Variants in KCNK13 observed in about 807,000 individuals in gnomAD.
KCNK13 encodes the protein potassium two pore domain channel subfamily K member 13.
Under a neutral mutation model 23.4 loss-of-function variants are expected in KCNK13, and 12 were observed. The observed-to-expected ratio is 0.51, with a 90% CI of 0.33 to 0.83. The LOEUF (loss-of-function observed/expected upper bound fraction) is 0.83, where lower values mean the gene tolerates loss of function less well. Ranked by LOEUF, KCNK13 falls within the 40% of genes least tolerant of loss-of-function variation. The pLI, the probability that KCNK13 is intolerant of heterozygous loss-of-function variation, is 0.02. For synonymous variants in KCNK13, 231 were observed against 229.5 expected (o/e 1.01, Z -0.06); for missense variants, 463 against 556.3 (o/e 0.83, Z 1.69).
chr14:90,164,442 CTT>C (rs1182157028), intron 1 of KCNK13, among the ~76,000 whole-genome samples: 3 of 152,028 alleles, frequency 2.0e-5, no homozygotes, highest in African/African-American at 7.2e-5. Context: ...TTTAAAGACT[CTT>C]TTAAAGAAAT....
chr14:90,062,470 G>A lies in KCNK13; in HGVS notation c.265G>A (p.Asp89Asn). 1 of 1,544,854 alleles carries A rather than the reference G, an allele frequency of 6.5e-7. No homozygotes were observed. The highest frequency in any genetic ancestry group is 1.4e-5 in the African/African-American group (1 of 72,528). ...GGCCACTCGGGCCGGCATCCGCGTG[G>A]ACAACGTCCGCCCGCGCTGGGACTT... ...EEATRAGIRVDNVRPRWDFTG... is the reference protein window; with the variant it reads ...EEATRAGIRVNNVRPRWDFTG... Residue 89 changes from aspartate (D) to asparagine (N), a missense_variant, in exon 1 of 2, where the codon GAC becomes AAC. Coordinates refer to ENST00000282146, the MANE Select transcript of KCNK13 (RefSeq NM_022054.4). This position sits in a 1 kb window ranked among gnomAD's most constrained non-coding sequence, Gnocchi z 4.5.
Position 90,062,194 on chromosome 14 carries a change from G to A in KCNK13, c.-12G>A. 1.4e-6 allele frequency: 2 copies of A among 1,380,756 alleles called. No individual in the cohort carries two copies. Among genetic ancestry groups the A allele is most frequent in the Middle Eastern group, 2.6e-4 (1 of 3,778 alleles). The allele number at this position is 1,380,756 out of a possible 1,614,324, so 85.5% of individuals were successfully genotyped here. A position where few individuals can be genotyped will look rare whatever the true frequency, so the allele number is the denominator to read the frequency against. ...TGCCGTGGGCCTGGGGGCTGCCCCC[G>A]GGGGCCCGGCCATGGCTGGCCGGGG... On this transcript the variant is annotated 5_prime_UTR_variant, in exon 1 of 2. Coordinates refer to ENST00000282146, the MANE Select transcript of KCNK13 (RefSeq NM_022054.4). This position sits in a 1 kb window ranked among gnomAD's most constrained non-coding sequence, Gnocchi z 4.5.
intron 1 of KCNK13, among the ~76,000 whole-genome samples, chr14:90,138,320 G>T (rs1318442770): frequency 6.6e-6 from 1 of 152,048 alleles, no homozygotes; most frequent in Non-Finnish European, 1.5e-5. Flanking sequence ...ATCCATACAG[G>T]TCTTTCTGTC....
chr14:90,130,392 G>T (rs1596790937), intron 1 of KCNK13, among the ~76,000 whole-genome samples: 2 of 151,700 alleles, frequency 1.3e-5, no homozygotes, highest in Non-Finnish European at 2.9e-5. Context: ...TAGAGATGGG[G>T]TTTCGCCATG....
intron 1 of KCNK13, among the ~76,000 whole-genome samples, chr14:90,086,841 G>A (rs1006295642): frequency 1.3e-5 from 2 of 152,092 alleles, no homozygotes; most frequent in Non-Finnish European, 2.9e-5. Flanking sequence ...ATCTATAAAT[G>A]TAGATGGTAA....
At chr14:90,106,099 G>A (rs758343901) in intron 1 of KCNK13, among the ~76,000 whole-genome samples, 3 of 152,162 alleles carry the variant, frequency 2.0e-5, no homozygotes, top group Admixed American at 6.5e-5. Context: ...GAAAAATGAG[G>A]TGATTCAATC....
intron 1 of KCNK13, among the ~76,000 whole-genome samples, chr14:90,149,257 G>A (rs1160519632): frequency 1.3e-5 from 2 of 152,198 alleles, no homozygotes; most frequent in South Asian, 2.1e-4. Flanking sequence ...TCGGGAGGCT[G>A]AGGCAGGAGA....
chr14:90,177,193 T>G (rs958994069), intron 1 of KCNK13: 1 of 151,786 alleles, frequency 6.6e-6, no homozygotes, highest in Non-Finnish European at 1.5e-5. Context: ...AGATCCTATC[T>G]CAAAAAAAAG....
At chr14:90,139,381 G>A (rs766907028) in intron 1 of KCNK13, among the ~76,000 whole-genome samples, 2 of 152,080 alleles carry the variant, frequency 1.3e-5, no homozygotes, top group African/African-American at 4.8e-5. Flanking sequence ...AGATGCAAAG[G>A]CCCTGTGGTG....
At chr14:90,170,048 C>T (rs1236840779) in intron 1 of KCNK13, among the ~76,000 whole-genome samples, 1 of 152,084 alleles carries the variant, frequency 6.6e-6, no homozygotes, top group Non-Finnish European at 1.5e-5. Context: ...CTGGCCCACT[C>T]CCAAACCCAC....
intron 1 of KCNK13, among the ~76,000 whole-genome samples, chr14:90,182,871 GA>G (rs1645377622): frequency 6.6e-6 from 1 of 150,760 alleles, no homozygotes; most frequent in African/African-American, 2.4e-5. Context: ...ATTTTAATAA[GA>G]AACTGACTCA....
intron 1 of KCNK13, among the ~76,000 whole-genome samples, chr14:90,167,270 T>C (rs1890314365): frequency 6.6e-6 from 1 of 152,194 alleles, no homozygotes; most frequent in South Asian, 2.1e-4. Flanking sequence ...ATCGCAGTCA[T>C]GAACCAAAAG....
chr14:90,083,798 C>T (rs1292286511), intron 1 of KCNK13, among the ~76,000 whole-genome samples: 1 of 152,214 alleles, frequency 6.6e-6, no homozygotes, highest in Non-Finnish European at 1.5e-5. Context: ...TTTGTTATAA[C>T]ACCACAGAAT....
At chr14:90,078,123 A>G (rs1889161776) in intron 1 of KCNK13, among the ~76,000 whole-genome samples, 1 of 152,188 alleles carries the variant, frequency 6.6e-6, no homozygotes, top group Non-Finnish European at 1.5e-5. Flanking sequence ...CAGCTGTATA[A>G]AGAAATGTAT....
chr14:90,105,749 G>T (rs1889536895), intron 1 of KCNK13, among the ~76,000 whole-genome samples: 1 of 152,156 alleles, frequency 6.6e-6, no homozygotes, highest in South Asian at 2.1e-4. Flanking sequence ...AGAGAGCCAG[G>T]CACAAGGGAT....
chr14:90,103,268 A>G (rs1328613852), intron 1 of KCNK13, among the ~76,000 whole-genome samples: 1 of 152,190 alleles, frequency 6.6e-6, no homozygotes, highest in African/African-American at 2.4e-5. Context: ...ATCTCTTTTG[A>G]AAAATGATCT....
chr14:90,077,719 C>A (rs1889157202), intron 1 of KCNK13, among the ~76,000 whole-genome samples: 1 of 152,192 alleles, frequency 6.6e-6, no homozygotes, highest in Non-Finnish European at 1.5e-5. Context: ...CTTTGCTATT[C>A]TCCTGCTGCC....
intron 1 of KCNK13, among the ~76,000 whole-genome samples, chr14:90,063,842 T>C (rs1888975693): frequency 6.6e-6 from 1 of 152,198 alleles, no homozygotes; most frequent in Non-Finnish European, 1.5e-5. Context: ...CTTCAGCTGA[T>C]GCACAGGAGG....
At chr14:90,088,146 G>A (rs909130003) in intron 1 of KCNK13, among the ~76,000 whole-genome samples, 1 of 152,072 alleles carries the variant, frequency 6.6e-6, no homozygotes, top group South Asian at 2.1e-4. Flanking sequence ...GGGATTACAG[G>A]TGTGTGCCAC....
Sources: gnomAD v4.1 joint callset for allele counts (sites outside exome capture counted in the v4.1 genomes callset) on GRCh38, gnomAD v4.1.1 for gene constraint, Gnocchi (gnomAD v3.1) non-coding constraint, MANE v1.5 for transcripts, NCBI Gene and HGNC (gene_info 2026-07-23, HGNC 2026-07-21) for gene names.